The following ANKMY1 variants were observed in gnomAD, a reference collection of about 807,000 sequenced individuals.
ANKMY1 encodes ankyrin repeat and MYND domain containing 1.
Under a neutral mutation model 102.0 loss-of-function variants are expected in ANKMY1, and 98 were observed. The observed-to-expected ratio is 0.96, with a 90% CI of 0.82 to 1.14. The LOEUF is 1.14. ANKMY1 is among the 50% of genes most tolerant of loss of function. The probability of loss-of-function intolerance (pLI) is 0.00; values close to 1 mark genes in which losing one functional copy is unlikely to be tolerated. For missense variants in ANKMY1, 1,330 were observed against 1,347.6 expected (o/e 0.99, Z 0.20); for synonymous variants, 582 against 559.9 (o/e 1.04, Z -0.56).
At chr2:240,480,436 G>A (rs1239641184) in intron 17 of ANKMY1, among the ~76,000 whole-genome samples, 1 of 152,360 alleles carries the variant, frequency 6.6e-6, no homozygotes, top group East Asian at 1.9e-4. Context: ...AGGGGCTTGC[G>A]GGAGACCAGA....
intron 8 of ANKMY1, chr2:240,521,982 T>A (rs989385824): frequency 1.3e-5 from 2 of 152,230 alleles, no homozygotes; most frequent in Non-Finnish European, 2.9e-5. Context: ...GAACAAAGCT[T>A]CCACAGCACA....
intron 4 of ANKMY1, among the ~76,000 whole-genome samples, chr2:240,536,972 G>C (rs1455119268): frequency 6.6e-6 from 1 of 152,046 alleles, no homozygotes; most frequent in Non-Finnish European, 1.5e-5. Context: ...CAATCCTCTT[G>C]CTTCAGCCTC....
At chr2:240,560,887 T>G, upstream of ANKMY1, 1 of 1,512,320 alleles carries the variant, frequency 6.6e-7, no homozygotes, top group Non-Finnish European at 8.7e-7. Flanking sequence ...GAGCTGCGCG[T>G]GCCCGTGTTC....
chr2:240,503,853 C>T (rs1024669152), intron 13 of ANKMY1, among the ~76,000 whole-genome samples: 34 of 152,218 alleles, frequency 2.2e-4, no homozygotes, highest in Admixed American at 2.2e-3. Context: ...AGGGTGGTAC[C>T]TGGTCCAATA....
chr2:240,498,481 G>C (rs1054107103), intron 15 of ANKMY1, among the ~76,000 whole-genome samples: 1 of 79,416 alleles, frequency 1.3e-5, no homozygotes, highest in Non-Finnish European at 2.9e-5. Flanking sequence ...AGCTGTGGGG[G>C]TGGAGCTGAG....
chr2:240,520,590 A>G lies in ANKMY1; in HGVS notation c.1833-57T>C. 6.5e-7 allele frequency: 1 copy of G among 1,543,672 alleles called. No homozygotes were observed. On this transcript the variant is annotated intron_variant, in intron 8 of 17. Coordinates refer to ENST00000401804, the MANE Select transcript of ANKMY1 (RefSeq NM_001282771.3). The surrounding 1 kb of genome is among the most constrained non-coding windows in gnomAD (Gnocchi z 4.8). Reference sequence around the variant, plus strand: ...GAGGGCAGGCACCTGCACTGCGCCCAGAACGGGGCCATGCCAGCGAGGAGG... The same window carrying G: ...GAGGGCAGGCACCTGCACTGCGCCCGGAACGGGGCCATGCCAGCGAGGAGG...
intron 5 of ANKMY1, 48 bp from the exon 6 acceptor site, chr2:240,526,493 C>T: frequency 1.2e-6 from 2 of 1,610,558 alleles, no homozygotes; most frequent in Non-Finnish European, 8.5e-7. Context: ...TTCTGCACCT[C>T]CCACGAGAAA....
intron 15 of ANKMY1, among the ~76,000 whole-genome samples, chr2:240,489,000 C>G (rs947462267): frequency 2.0e-5 from 3 of 152,138 alleles, no homozygotes; most frequent in Non-Finnish European, 2.9e-5. Flanking sequence ...ACTTCCAGTA[C>G]TAGGTTGAAT....
intron 13 of ANKMY1, among the ~76,000 whole-genome samples, chr2:240,505,766 G>A (rs764309591): frequency 1.1e-4 from 16 of 152,200 alleles, no homozygotes; most frequent in South Asian, 6.2e-4. Flanking sequence ...TAAAGAAGTC[G>A]AAGCCCAGTC....
chr2:240,479,151 C>G (rs779870359), downstream of ANKMY1, among the ~76,000 whole-genome samples: 1 of 152,216 alleles, frequency 6.6e-6, no homozygotes, highest in Non-Finnish European at 1.5e-5. Context: ...CCAGTAGGAG[C>G]CTTGCACCCA....
At chr2:240,479,302 C>T (rs917032913), downstream of ANKMY1, 1 of 420,710 alleles carries the variant, frequency 2.4e-6, no homozygotes, top group Non-Finnish European at 4.3e-6. Flanking sequence ...CCTCGTCCAT[C>T]AGGATGGCCC....
chr2:240,557,237 A>T lies in ANKMY1; in HGVS notation c.99T>A (p.Ala33=). 2 of 1,592,868 alleles carry T rather than the reference A, an allele frequency of 1.3e-6. No homozygotes were observed. Among genetic ancestry groups the T allele is most frequent in the South Asian group, 2.3e-5 (2 of 88,634 alleles). The change falls in exon 2 of 18, where the codon GCT becomes GCA. Residue 33 remains alanine, a synonymous_variant. Transcript: ENST00000401804. ...PLEGKGGETP[A]AEEPGSLKNY... ...TCTTCAGGGACCCCGGCTCCTCGGC[A>T]GCAGGGGTCTCGCCGCCCTTCCCCT... is the stretch of plus-strand genomic sequence containing the variant.
rs188637504 is a variant in ANKMY1, at chr2:240,526,051, C to T, written c.1170+178G>A. 1,066 of 960,008 alleles carry T rather than the reference C, an allele frequency of 1.1e-3. 6 individuals carry two copies. Among genetic ancestry groups the T allele is most frequent in the Admixed American group, 1.4e-3 (64 of 44,246 alleles). 59.5% of individuals were successfully genotyped at this position (960,008 alleles called of 1,614,324 possible). ...CCCCAAACCCTTCTGCACTGGACCA[C>T]GAGTGTCACACTCAGCTGAGTGGGT... On this transcript the variant is annotated intron_variant, in intron 6 of 17. Coordinates refer to ENST00000401804, the MANE Select transcript of ANKMY1 (RefSeq NM_001282771.3).
downstream of ANKMY1, among the ~76,000 whole-genome samples, chr2:240,477,350 C>G (rs568475094): frequency 6.6e-6 from 1 of 152,204 alleles, no homozygotes; most frequent in Admixed American, 6.5e-5. Flanking sequence ...ATATGTTCCC[C>G]AAAATGCTCA....
intron 5 of ANKMY1, chr2:240,526,878 T>C (rs1174662122): frequency 8.7e-7 from 1 of 1,148,648 alleles, no homozygotes; most frequent in Non-Finnish European, 1.1e-6. Flanking sequence ...ACAACATGCA[T>C]TATCTCATGG....
upstream of ANKMY1, chr2:240,560,657 C>A: frequency 2.7e-6 from 4 of 1,489,864 alleles, no homozygotes; most frequent in Non-Finnish European, 1.8e-6. Context: ...ATCCTCAGGG[C>A]CCAAAAGCAG....
intron 4 of ANKMY1, among the ~76,000 whole-genome samples, chr2:240,536,435 A>C (rs2086763437): frequency 6.6e-6 from 1 of 152,208 alleles, no homozygotes; most frequent in Admixed American, 6.5e-5. Context: ...AGGGCACAGA[A>C]ACATGAAAAG....
At chr2:240,558,273 G>A (rs1218228865), upstream of ANKMY1, 1 of 152,290 alleles carries the variant, frequency 6.6e-6, no homozygotes, top group East Asian at 1.9e-4. Flanking sequence ...GGAAACTGAG[G>A]CCCAAGTGTT....
chr2:240,524,553 G>A (rs2082971411), intron 7 of ANKMY1, among the ~76,000 whole-genome samples, 172 bp from the exon 8 acceptor site: 1 of 152,200 alleles, frequency 6.6e-6, no homozygotes, highest in Non-Finnish European at 1.5e-5. Context: ...GAACACCCCT[G>A]TGAAGGCATC....
Sources: allele counts gnomAD v4.1 joint callset (sites outside exome capture counted in the v4.1 genomes callset), GRCh38; gene constraint gnomAD v4.1.1; non-coding constraint Gnocchi (gnomAD v3.1); transcripts MANE v1.5; gene names NCBI Gene and HGNC (gene_info 2026-07-23, HGNC 2026-07-21).